DOCK9: variants seen among roughly 807,000 people sequenced by gnomAD.
The protein encoded by DOCK9 is dedicator of cytokinesis protein 9.
A neutral mutation model predicts 263.3 loss-of-function variants in DOCK9; 89 were observed. The ratio of observed to expected loss-of-function variants is 0.34; its 90% CI spans 0.28 to 0.40. The LOEUF (loss-of-function observed/expected upper bound fraction) is 0.40. Among genes scored for constraint, DOCK9 ranks in the 10% least tolerant of loss-of-function variants. The pLI, the probability that DOCK9 is intolerant of heterozygous loss-of-function variation, is 1.00. For synonymous variants in DOCK9, 976 were observed against 973.1 expected, an observed-to-expected ratio of 1.00 and a Z score of -0.06; for missense variants, 2,140 against 2,603.4, an observed-to-expected ratio of 0.82 and a Z score of 3.87.
intron 1 of DOCK9, among the ~76,000 whole-genome samples, chr13:99,069,620 C>T (rs2041581743): frequency 1.3e-5 from 2 of 152,208 alleles, no homozygotes; most frequent in African/African-American, 4.8e-5. Context: ...AAGGTTTATC[C>T]ATGGCTGATC....
intron 1 of DOCK9, among the ~76,000 whole-genome samples, chr13:99,071,305 G>GTTTTTTTT (rs1566387440): frequency 2.8e-5 from 2 of 70,930 alleles, no homozygotes; most frequent in East Asian, 1.0e-3. Context: ...ACCATGCCTG[G>GTTTTTTTT]CTTTTTTTTT....
intron 7 of DOCK9, 86 bp downstream of exon 7, chr13:98,920,868 G>T: frequency 1.5e-6 from 2 of 1,314,744 alleles, no homozygotes; most frequent in Non-Finnish European, 1.0e-6. Context: ...TGCCATTTTT[G>T]GAAGTGTTTG....
intron 1 of DOCK9, among the ~76,000 whole-genome samples, chr13:99,005,309 C>T (rs7985508): frequency 0.026 from 4,024 of 152,276 alleles, 193 homozygotes; most frequent in African/African-American, 0.091. Context: ...CTTAATTCAG[C>T]AACTTACGCA....
At chr13:98,950,312 G>A in intron 2 of DOCK9, 1 of 791,742 alleles carries the variant, frequency 1.3e-6, no homozygotes, top group Non-Finnish European at 2.1e-6. Flanking sequence ...TTAAACCTGA[G>A]CTGTTTTCCT....
Position 98,915,317 on chromosome 13 carries a change from A to T in DOCK9, c.892+12T>A. The T allele has an allele frequency of 6.2e-7, 1 of 1,611,884 alleles. No individual in the cohort carries two copies. The highest frequency in any genetic ancestry group is 8.5e-7 in the Non-Finnish European group (1 of 1,178,968). ...AGTGTGTATGTGCCTGGGGGAAGCC[A>T]AGCCTATCTACCTTCGTGAGAGTCG... On this transcript the variant is annotated intron_variant, in intron 8 of 52. Coordinates refer to ENST00000682017, the MANE Select transcript of DOCK9 (RefSeq NM_001366683.2).
At chr13:98,810,844 T>A (rs368436214) in intron 45 of DOCK9, among the ~76,000 whole-genome samples, 1 of 152,200 alleles carries the variant, frequency 6.6e-6, no homozygotes, top group East Asian at 1.9e-4. Flanking sequence ...ACACTACCCA[T>A]GGCTTAAGAA....
chr13:99,049,653 C>T (rs1283261280), intron 1 of DOCK9, among the ~76,000 whole-genome samples: 2 of 152,068 alleles, frequency 1.3e-5, no homozygotes, highest in Admixed American at 1.3e-4. Context: ...TAGCTGGGAC[C>T]ACAGGTGTGC....
intron 1 of DOCK9, among the ~76,000 whole-genome samples, chr13:98,967,559 A>G (rs951555859): frequency 6.6e-6 from 1 of 152,204 alleles, no homozygotes; most frequent in Admixed American, 6.5e-5. Context: ...GCATGATGGT[A>G]TTTCAGATTT....
chr13:98,843,044 T>A (rs568683773), intron 38 of DOCK9, among the ~76,000 whole-genome samples: 5 of 152,334 alleles, frequency 3.3e-5, no homozygotes, highest in African/African-American at 9.6e-5. Flanking sequence ...CTACAAAGGA[T>A]TCCGTTTCCC....
chr13:99,071,306 C>CT (rs71114578), intron 1 of DOCK9, among the ~76,000 whole-genome samples: 527 of 49,318 alleles, frequency 0.011, 59 homozygotes, highest in Middle Eastern at 0.034. Flanking sequence ...CCATGCCTGG[C>CT]TTTTTTTTTT....
intron 1 of DOCK9, among the ~76,000 whole-genome samples, chr13:99,012,864 C>T (rs941879607): frequency 1.3e-5 from 2 of 152,146 alleles, no homozygotes; most frequent in Non-Finnish European, 2.9e-5. Context: ...AGATCATTAA[C>T]AGAGAGCCAG....
intron 1 of DOCK9, among the ~76,000 whole-genome samples, chr13:99,052,275 C>T (rs528034973): frequency 1.3e-5 from 2 of 152,150 alleles, no homozygotes; most frequent in African/African-American, 2.4e-5. Flanking sequence ...CCACAGAGAC[C>T]CTCACCCCTG....
chr13:98,903,044 A>G lies in DOCK9; in HGVS notation c.1104T>C (p.Leu368=). The G allele has an allele frequency of 6.5e-7, 1 of 1,541,302 alleles. No homozygotes were observed. Among genetic ancestry groups the G allele is most frequent in the Non-Finnish European group, 8.7e-7 (1 of 1,143,386 alleles). The change falls in exon 11 of 53, where the codon CTT becomes CTC. Residue 368 remains leucine, a synonymous_variant. Coordinates refer to ENST00000682017, the MANE Select transcript of DOCK9 (RefSeq NM_001366683.2). ...SFEEKFGKRI[L]VKCNDLSFNL... ...TGAAAGATAAATCATTGCACTTGACAAGGATCCTTTTTCCAAACTTCTCTT... is the reference window on the plus strand; with the variant it reads ...TGAAAGATAAATCATTGCACTTGACGAGGATCCTTTTTCCAAACTTCTCTT...
chr13:98,862,453 C>G (rs569957060), intron 32 of DOCK9, among the ~76,000 whole-genome samples: 14 of 152,118 alleles, frequency 9.2e-5, no homozygotes, highest in African/African-American at 3.1e-4. Context: ...CTTTGGGAGG[C>G]CAAGGTGGGC....
At chr13:99,035,056 C>G (rs1307260191) in intron 1 of DOCK9, among the ~76,000 whole-genome samples, 1 of 152,244 alleles carries the variant, frequency 6.6e-6, no homozygotes, top group African/African-American at 2.4e-5. Context: ...GTTTCTGAAT[C>G]TGTGTTTCTG....
intron 38 of DOCK9, among the ~76,000 whole-genome samples, chr13:98,843,769 C>T (rs2093301678): frequency 6.6e-6 from 1 of 152,140 alleles, no homozygotes; most frequent in African/African-American, 2.4e-5. Flanking sequence ...TGGCTTTTGG[C>T]AGCAGCAGCA....
At chr13:98,902,263 G>T (rs769522147) in intron 12 of DOCK9, 25 bp downstream of exon 12, 2 of 1,609,770 alleles carry the variant, frequency 1.2e-6, no homozygotes, top group Non-Finnish European at 1.7e-6. Context: ...CTGAGTAGTG[G>T]GAATGCTGGG....
rs866428763 is a variant in DOCK9 at position 98,810,202 on chromosome 13, G to A, written c.5220C>T (p.Ile1740=). ...CCCTCCGCTTCTCATAAATGGGGAT[G>A]ATAAGTTTGTAGATGTCGGCGATGA... is the stretch of plus-strand genomic sequence containing the variant. ...YELIADIYKL[I]IPIYEKRRDF... The change falls in exon 46 of 53, where the codon ATC becomes ATT. Residue 1740 remains isoleucine, a synonymous_variant. Coordinates refer to ENST00000682017, the MANE Select transcript of DOCK9 (RefSeq NM_001366683.2). 1.2e-6 allele frequency: 2 copies of A among 1,613,968 alleles called. No individual in the cohort carries two copies. Among genetic ancestry groups the A allele is most frequent in the South Asian group, 2.2e-5 (2 of 91,088 alleles).
At chr13:98,995,833 T>G (rs1880908845) in intron 1 of DOCK9, among the ~76,000 whole-genome samples, 1 of 152,084 alleles carries the variant, frequency 6.6e-6, no homozygotes, top group Non-Finnish European at 1.5e-5. Context: ...GAATTCTGAA[T>G]AGTGGCTGAG....
Sources: gnomAD v4.1 joint callset for allele counts (sites outside exome capture counted in the v4.1 genomes callset) on GRCh38, gnomAD v4.1.1 for gene constraint, MANE v1.5 for transcripts, NCBI Gene and HGNC (gene_info 2026-07-23, HGNC 2026-07-21) for gene names.